Variants in DACH1 observed in about 807,000 individuals in gnomAD.
DACH1 encodes dachshund homolog 1.
In DACH1, 12 loss-of-function variants were observed where a neutral mutation model predicts 54.2. The observed-to-expected ratio is 0.22, with a 90% CI of 0.14 to 0.36. DACH1 has a LOEUF of 0.36. Ranked by LOEUF, DACH1 falls within the 10% of genes least tolerant of loss-of-function variation. The probability of loss-of-function intolerance (pLI) is 1.00; values close to 1 mark genes in which losing one functional copy is unlikely to be tolerated. For synonymous variants in DACH1, 386 were observed against 366.2 expected (o/e 1.05, Z -0.62); for missense variants, 805 against 929.8 (o/e 0.87, Z 1.75).
intron 6 of DACH1, among the ~76,000 whole-genome samples, chr13:71,537,115 G>T (rs530675726): frequency 6.6e-6 from 1 of 152,016 alleles, no homozygotes; most frequent in Non-Finnish European, 1.5e-5. Flanking sequence ...ATCTTACCAT[G>T]TGTCTGCTTT....
chr13:71,730,834 A>G (rs1883709111), intron 1 of DACH1, among the ~76,000 whole-genome samples: 1 of 151,004 alleles, frequency 6.6e-6, no homozygotes, highest in African/African-American at 2.5e-5. Context: ...AATTATACAA[A>G]TCAGTATTTT....
intron 1 of DACH1, among the ~76,000 whole-genome samples, chr13:71,862,990 A>G (rs933154867): frequency 7.2e-5 from 11 of 152,082 alleles, no homozygotes; most frequent in African/African-American, 2.7e-4. Context: ...TATACTCTAC[A>G]TAAATTACTC....
At chr13:71,740,934 T>C (rs1311215034) in intron 1 of DACH1, among the ~76,000 whole-genome samples, 6 of 152,158 alleles carry the variant, frequency 3.9e-5, no homozygotes, top group Non-Finnish European at 8.8e-5. Flanking sequence ...CTTGACACTT[T>C]ATTTTGGCCT....
intron 10 of DACH1, among the ~76,000 whole-genome samples, chr13:71,458,840 G>T (rs1264348879): frequency 6.6e-6 from 1 of 151,728 alleles, no homozygotes; most frequent in Non-Finnish European, 1.5e-5. Context: ...GATATCTACA[G>T]CTATATTAAA....
intron 3 of DACH1, among the ~76,000 whole-genome samples, chr13:71,586,912 T>C (rs1458105580): frequency 2.0e-5 from 3 of 152,104 alleles, no homozygotes; most frequent in African/African-American, 7.2e-5. Context: ...CTTACTTTAA[T>C]GATTTTTGTT....
chr13:71,655,947 T>C (rs913640692), intron 2 of DACH1, among the ~76,000 whole-genome samples: 1 of 152,212 alleles, frequency 6.6e-6, no homozygotes, highest in Non-Finnish European at 1.5e-5. Flanking sequence ...TCACATTTTT[T>C]ATGAAGCATA....
chr13:71,728,199 G>A (rs1594143360), intron 1 of DACH1, among the ~76,000 whole-genome samples: 1 of 151,950 alleles, frequency 6.6e-6, no homozygotes, highest in East Asian at 1.9e-4. Context: ...AGTATAAAAA[G>A]AAAGCATTTT....
intron 1 of DACH1, among the ~76,000 whole-genome samples, chr13:71,790,428 A>G (rs1033395087): frequency 1.3e-5 from 2 of 152,200 alleles, no homozygotes; most frequent in African/African-American, 2.4e-5. Flanking sequence ...AGAAGTCAAC[A>G]TGACTCTTTT....
intron 1 of DACH1, among the ~76,000 whole-genome samples, chr13:71,744,356 C>T (rs144682721): frequency 1.1e-4 from 17 of 152,270 alleles, no homozygotes; most frequent in African/African-American, 3.1e-4. Flanking sequence ...ATGCCTGATA[C>T]GGTTCAAGAA....
At chr13:71,567,379 C>T (rs1223275309) in intron 4 of DACH1, among the ~76,000 whole-genome samples, 1 of 151,756 alleles carries the variant, frequency 6.6e-6, no homozygotes, top group African/African-American at 2.4e-5. Context: ...GCACTACAAA[C>T]CCAAAAGTCC....
chr13:71,454,981 G>C (rs191445355), intron 10 of DACH1, among the ~76,000 whole-genome samples: 4 of 152,166 alleles, frequency 2.6e-5, no homozygotes, highest in African/African-American at 9.7e-5. Context: ...TAGTGTGTTA[G>C]TACCTCTGTT....
At chr13:71,741,604 T>A (rs1332021773) in intron 1 of DACH1, among the ~76,000 whole-genome samples, 1 of 152,190 alleles carries the variant, frequency 6.6e-6, no homozygotes, top group Non-Finnish European at 1.5e-5. Flanking sequence ...TGATAATATG[T>A]CTAAGAGAGA....
chr13:71,544,008 T>C (rs143713902), intron 6 of DACH1, among the ~76,000 whole-genome samples: 145 of 151,938 alleles, frequency 9.5e-4, no homozygotes, highest in Middle Eastern at 3.4e-3. Context: ...TCCTCAGCCA[T>C]AGGTTTAAAT....
At chr13:71,749,424 A>AG (rs952666409) in intron 1 of DACH1, among the ~76,000 whole-genome samples, 36 of 151,112 alleles carry the variant, frequency 2.4e-4, no homozygotes, top group Admixed American at 5.9e-4. Flanking sequence ...ATTTTTTTTG[A>AG]GGGGGGGGCA....
chr13:71,782,886 A>G (rs776450465), intron 1 of DACH1, among the ~76,000 whole-genome samples: 3 of 152,158 alleles, frequency 2.0e-5, no homozygotes, highest in East Asian at 3.8e-4. Flanking sequence ...TATTTTATCT[A>G]ATTTCTTCAA....
intron 1 of DACH1, among the ~76,000 whole-genome samples, chr13:71,835,406 T>C (rs76759460): frequency 9.3e-4 from 141 of 152,260 alleles, no homozygotes; most frequent in African/African-American, 3.1e-3. Flanking sequence ...TGAGAAACTC[T>C]GTAATGCTTA....
intron 6 of DACH1, among the ~76,000 whole-genome samples, chr13:71,501,322 TG>T (rs1460057911): frequency 2.0e-5 from 3 of 152,144 alleles, no homozygotes; most frequent in Non-Finnish European, 4.4e-5. Flanking sequence ...TACGCATATA[TG>T]AAAACAGGTG....
At chr13:71,536,496 A>G (rs763697528) in intron 6 of DACH1, among the ~76,000 whole-genome samples, 28 of 152,248 alleles carry the variant, frequency 1.8e-4, no homozygotes, top group Non-Finnish European at 4.0e-4. Flanking sequence ...AATGAGAAGA[A>G]ACAGACTGTC....
chr13:71,657,711 A>G (rs1212496532), intron 2 of DACH1, among the ~76,000 whole-genome samples: 1 of 152,156 alleles, frequency 6.6e-6, no homozygotes, highest in African/African-American at 2.4e-5. Flanking sequence ...AAAATGATTA[A>G]CACAGAAACA....
Sources: gnomAD v4.1 joint callset for allele counts (sites outside exome capture counted in the v4.1 genomes callset) on GRCh38, gnomAD v4.1.1 for gene constraint, MANE v1.5 for transcripts, NCBI Gene and HGNC (gene_info 2026-07-23, HGNC 2026-07-21) for gene names.